BMAL1: variants seen among roughly 807,000 people sequenced by gnomAD.
BMAL1 encodes basic helix-loop-helix ARNT like 1, also known as basic helix-loop-helix ARNT-like protein 1.
chr11:13,321,161 A>G, the BMAL1 span, among the ~76,000 whole-genome samples: 2 of 152,234 alleles, frequency 1.3e-5, no homozygotes, highest in Admixed American at 1.3e-4. Context: ...ATTTCTTTAT[A>G]CTTTAGTAAG....
the BMAL1 span, among the ~76,000 whole-genome samples, chr11:13,305,235 A>G: frequency 6.6e-6 from 1 of 152,098 alleles, no homozygotes; most frequent in Non-Finnish European, 1.5e-5. Flanking sequence ...CCCGCTAGGT[A>G]TTTTATTTCA....
At chr11:13,293,330 G>A in the BMAL1 span, among the ~76,000 whole-genome samples, 1 of 152,218 alleles carries the variant, frequency 6.6e-6, no homozygotes. Context: ...ACCTAGGTTT[G>A]AGTCCAGCCC....
At chr11:13,356,630 C>A in the BMAL1 span, 2 of 1,346,766 alleles carry the variant, frequency 1.5e-6, no homozygotes, top group Non-Finnish European at 2.1e-6. Flanking sequence ...GCTGTTCGAA[C>A]TTTATGATTG....
chr11:13,292,415 C>T, the BMAL1 span, among the ~76,000 whole-genome samples: 4 of 151,440 alleles, frequency 2.6e-5, no homozygotes, highest in African/African-American at 7.3e-5. Context: ...GGCGTAGTGG[C>T]GGGCGCCTGT....
At chr11:13,289,255 A>T in the BMAL1 span, among the ~76,000 whole-genome samples, 1 of 152,196 alleles carries the variant, frequency 6.6e-6, no homozygotes, top group African/African-American at 2.4e-5. Flanking sequence ...TGGCCCTTAC[A>T]GGAATAGCCT....
the BMAL1 span, among the ~76,000 whole-genome samples, chr11:13,305,595 C>G: frequency 0.013 from 2,012 of 152,066 alleles, 36 homozygotes; most frequent in Middle Eastern, 0.024. Flanking sequence ...TTTTTTATTT[C>G]TTTTTGTTGC....
At chr11:13,284,253 TA>T in the BMAL1 span, among the ~76,000 whole-genome samples, 9 of 32,238 alleles carry the variant, frequency 2.8e-4, no homozygotes, top group South Asian at 1.6e-3. Flanking sequence ...TATATATATA[TA>T]TATATATATA....
chr11:13,358,340 A>T, the BMAL1 span: 162 of 1,316,508 alleles, frequency 1.2e-4, no homozygotes, highest in African/African-American at 2.3e-3. Flanking sequence ...TGTCAGATGA[A>T]CATTGAAAAC....
the BMAL1 span, among the ~76,000 whole-genome samples, chr11:13,365,043 C>CGTGGA: frequency 5.9e-5 from 9 of 152,050 alleles, no homozygotes; most frequent in African/African-American, 2.2e-4. Context: ...GCTCCCTGTA[C>CGTGGA]GTGGAGGTTT....
At chr11:13,336,245 T>C in the BMAL1 span, among the ~76,000 whole-genome samples, 1 of 152,298 alleles carries the variant, frequency 6.6e-6, no homozygotes, top group East Asian at 1.9e-4. Flanking sequence ...CAGTTTCCAT[T>C]GTCATATTTT....
the BMAL1 span, among the ~76,000 whole-genome samples, chr11:13,331,480 T>C: frequency 8.5e-5 from 13 of 152,094 alleles, no homozygotes; most frequent in African/African-American, 2.4e-4. Context: ...TGGGAATGGA[T>C]TGTTGAGGTG....
the BMAL1 span, among the ~76,000 whole-genome samples, chr11:13,284,879 G>C: frequency 6.6e-6 from 1 of 152,198 alleles, no homozygotes; most frequent in East Asian, 1.9e-4. Flanking sequence ...GTCTGGTCCT[G>C]TTCCTCCTCC....
chr11:13,374,058 C>A, the BMAL1 span: 3 of 1,587,848 alleles, frequency 1.9e-6, no homozygotes, highest in Non-Finnish European at 2.6e-6. Context: ...ATCTGAATGG[C>A]TTTTTCTTCT....
At chr11:13,293,489 G>A in the BMAL1 span, among the ~76,000 whole-genome samples, 1 of 152,224 alleles carries the variant, frequency 6.6e-6, no homozygotes, top group East Asian at 1.9e-4. Flanking sequence ...CAGCCCCATG[G>A]AGATGTGCAC....
chr11:13,377,770 A>C, the BMAL1 span, among the ~76,000 whole-genome samples: 2 of 152,126 alleles, frequency 1.3e-5, no homozygotes, highest in Non-Finnish European at 2.9e-5. Flanking sequence ...TCCTTGGAGG[A>C]GTCTCCCAAG....
chr11:13,358,462 C>A, the BMAL1 span: 1 of 1,604,496 alleles, frequency 6.2e-7, no homozygotes, highest in Non-Finnish European at 8.5e-7. Context: ...TGAAAAGCGG[C>A]GTCGGGATAA....
the BMAL1 span, chr11:13,378,771 T>G: frequency 6.9e-6 from 2 of 287,928 alleles, no homozygotes; most frequent in Non-Finnish European, 1.3e-5. Flanking sequence ...TGAGAAGACT[T>G]AACTTTCTTA....
chr11:13,330,350 G>C, the BMAL1 span, among the ~76,000 whole-genome samples: 1 of 152,152 alleles, frequency 6.6e-6, no homozygotes, highest in African/African-American at 2.4e-5. Context: ...AGAATATTTT[G>C]AGCAACAAGC....
the BMAL1 span, among the ~76,000 whole-genome samples, chr11:13,386,078 G>T: frequency 1.3e-5 from 2 of 152,196 alleles, no homozygotes; most frequent in African/African-American, 4.8e-5. Context: ...GCTAATGAAG[G>T]TTCAGAGATA....
Sources: gnomAD v4.1 joint callset for allele counts (sites outside exome capture counted in the v4.1 genomes callset) on GRCh38, gnomAD v4.1.1 for gene constraint, MANE v1.5 for transcripts, NCBI Gene and HGNC (gene_info 2026-07-23, HGNC 2026-07-21) for gene names.